NRCAM: variants seen among roughly 807,000 people sequenced by gnomAD.
The protein encoded by NRCAM is NgCAM-related cell adhesion molecule.
Under a neutral mutation model 156.5 loss-of-function variants are expected in NRCAM, and 83 were observed. The observed-to-expected ratio is 0.53, with a 90% CI of 0.44 to 0.64. NRCAM has a LOEUF of 0.64. Among genes scored for constraint, NRCAM ranks in the 30% least tolerant of loss-of-function variants. The pLI is 0.00. For missense variants in NRCAM, 1,417 were observed against 1,597.3 expected (o/e 0.89, Z 1.92); for synonymous variants, 538 against 563.9 (o/e 0.95, Z 0.65).
chr7:108,449,037 A>C (rs1180116593), intron 1 of NRCAM, among the ~76,000 whole-genome samples: 1 of 152,218 alleles, frequency 6.6e-6, no homozygotes, highest in African/African-American at 2.4e-5. Flanking sequence ...AGTGCATCTG[A>C]GTGAGCGCCA....
intron 2 of NRCAM, among the ~76,000 whole-genome samples, chr7:108,349,417 T>C (rs988766563): frequency 1.3e-5 from 2 of 151,766 alleles, no homozygotes; most frequent in African/African-American, 2.4e-5. Context: ...TACAGGCGCC[T>C]GCCACCACGC....
intron 3 of NRCAM, among the ~76,000 whole-genome samples, chr7:108,247,375 C>A (rs1193113792): frequency 6.6e-6 from 1 of 152,138 alleles, no homozygotes; most frequent in Non-Finnish European, 1.5e-5. Flanking sequence ...ATGGCCGAAC[C>A]TAAATTAGTA....
At chr7:108,327,936 T>A (rs2099087410) in intron 2 of NRCAM, among the ~76,000 whole-genome samples, 1 of 152,086 alleles carries the variant, frequency 6.6e-6, no homozygotes, top group South Asian at 2.1e-4. Context: ...TAAGGGAGAA[T>A]AAGGCCTAAC....
intron 8 of NRCAM, among the ~76,000 whole-genome samples, chr7:108,227,366 C>T (rs1232489145): frequency 6.6e-6 from 1 of 152,082 alleles, no homozygotes; most frequent in Non-Finnish European, 1.5e-5. Flanking sequence ...TTGTGGGGTA[C>T]AATGTGATAT....
At chr7:108,232,297 G>A in intron 7 of NRCAM, 29 bp downstream of exon 7, 1 of 1,529,548 alleles carries the variant, frequency 6.5e-7, no homozygotes, top group Non-Finnish European at 8.9e-7. Context: ...TTTAAAAAGG[G>A]TCATGTTGGT....
Position 108,233,408 on chromosome 7 carries a change from C to T in NRCAM, c.231-886G>A, listed in dbSNP as rs118115184. ...GCTACTGGCATATTGTGGGCAGGGG[C>T]CACGGATGCTGCCAAATATCCTACA... is the stretch of plus-strand genomic sequence containing the variant. On this transcript the variant is annotated intron_variant, in intron 6 of 32. Transcript: ENST00000379028. Among the ~76,000 whole-genome samples the T allele has an allele frequency of 1.9e-4, 29 of 152,294 alleles. No homozygotes were observed. The East Asian group carries it at 5.6e-3, about 29-fold the overall frequency.
At chr7:108,277,454 A>G (rs1279523027) in intron 3 of NRCAM, among the ~76,000 whole-genome samples, 1 of 151,696 alleles carries the variant, frequency 6.6e-6, no homozygotes, top group Non-Finnish European at 1.5e-5. Context: ...TTTTTTCTCT[A>G]ATCTTGTCTT....
At chr7:108,245,038 A>G (rs769648088) in intron 3 of NRCAM, among the ~76,000 whole-genome samples, 78 of 152,364 alleles carry the variant, frequency 5.1e-4, no homozygotes, top group Middle Eastern at 3.4e-3. Flanking sequence ...CACAGCGATG[A>G]GTCTCCTCCA....
intron 2 of NRCAM, among the ~76,000 whole-genome samples, chr7:108,334,967 A>C (rs2099164269): frequency 6.6e-6 from 1 of 152,210 alleles, no homozygotes; most frequent in Admixed American, 6.5e-5. Context: ...TATGTAATAA[A>C]AGGTAGCATT....
chr7:108,372,475 T>A (rs2099634846), intron 2 of NRCAM, among the ~76,000 whole-genome samples: 1 of 152,038 alleles, frequency 6.6e-6, no homozygotes, highest in African/African-American at 2.4e-5. Context: ...GGAGTTAACA[T>A]CCAAAATAAA....
intron 3 of NRCAM, among the ~76,000 whole-genome samples, chr7:108,256,212 G>T (rs1432536426): frequency 6.6e-6 from 1 of 151,804 alleles, no homozygotes; most frequent in African/African-American, 2.4e-5. Flanking sequence ...AAGAAAGAGA[G>T]ATCAGATTGT....
intron 32 of NRCAM, among the ~76,000 whole-genome samples, chr7:108,155,203 G>A (rs1260779534): frequency 6.6e-6 from 1 of 150,420 alleles, no homozygotes; most frequent in Non-Finnish European, 1.5e-5. Context: ...AGTATTCAAA[G>A]CTTTACAAAA....
intron 32 of NRCAM, among the ~76,000 whole-genome samples, chr7:108,155,080 TAA>T (rs1233027772): frequency 7.8e-6 from 1 of 127,450 alleles, no homozygotes; most frequent in Non-Finnish European, 1.6e-5. Flanking sequence ...GAAGATGATT[TAA>T]AAGTCATATA....
chr7:108,168,716 T>C (rs1233172145), intron 28 of NRCAM, among the ~76,000 whole-genome samples: 6 of 152,170 alleles, frequency 3.9e-5, no homozygotes, highest in Non-Finnish European at 5.9e-5. Context: ...CTTCATTTAC[T>C]AAAGTGTGAT....
intron 24 of NRCAM, among the ~76,000 whole-genome samples, chr7:108,181,278 C>T (rs181909987): frequency 1.2e-3 from 189 of 151,796 alleles, no homozygotes; most frequent in Middle Eastern, 3.4e-3. Flanking sequence ...TGACTGTACG[C>T]TTGGCTGCCT....
chr7:108,270,942 A>AGATGGTGGT (rs1442919337), intron 3 of NRCAM, among the ~76,000 whole-genome samples: 2 of 152,342 alleles, frequency 1.3e-5, no homozygotes, highest in Non-Finnish European at 2.9e-5. Flanking sequence ...TTCTGTAGAT[A>AGATGGTGGT]GATGGTGGTG....
At chr7:108,339,360 C>A (rs73420204) in intron 2 of NRCAM, among the ~76,000 whole-genome samples, 5,131 of 152,292 alleles carry the variant, frequency 0.034, 298 homozygotes, top group African/African-American at 0.12. Context: ...TGTTTGCACT[C>A]AGCCAAGCCT....
intron 10 of NRCAM, among the ~76,000 whole-genome samples, chr7:108,225,049 G>A (rs1589041178): frequency 1.3e-5 from 2 of 152,228 alleles, no homozygotes; most frequent in East Asian, 3.9e-4. Context: ...TTTCCCTTAA[G>A]GGAATCAAAT....
intron 3 of NRCAM, among the ~76,000 whole-genome samples, chr7:108,255,616 C>G (rs1221955528): frequency 6.6e-6 from 1 of 152,060 alleles, no homozygotes; most frequent in African/African-American, 2.4e-5. Context: ...AGCGTCTCTG[C>G]CTGGCTGCCC....
Sources: allele counts gnomAD v4.1 joint callset (sites outside exome capture counted in the v4.1 genomes callset), GRCh38; gene constraint gnomAD v4.1.1; transcripts MANE v1.5; gene names NCBI Gene and HGNC (gene_info 2026-07-23, HGNC 2026-07-21).